FAM174A: variants seen among roughly 807,000 people sequenced by gnomAD.
FAM174A encodes the protein family with sequence similarity 174 member A, also known as membrane protein FAM174A.
FAM174A carries 14 observed loss-of-function variants against 14.3 expected under a neutral mutation model. The ratio of observed to expected loss-of-function variants is 0.98; its 90% CI spans 0.65 to 1.53. The LOEUF is 1.53. Ranked by LOEUF, FAM174A falls within the 40% of genes most tolerant of loss-of-function variation. The pLI is 0.00. For synonymous variants in FAM174A, 108 were observed against 111.4 expected, an observed-to-expected ratio of 0.97 and a Z score of 0.19; for missense variants, 241 against 249.6, an observed-to-expected ratio of 0.97 and a Z score of 0.23.
chr5:100,539,698 C>G (rs894380984), intron 1 of FAM174A, among the ~76,000 whole-genome samples: 1 of 152,300 alleles, frequency 6.6e-6, no homozygotes, highest in South Asian at 2.1e-4. Flanking sequence ...CTGCCCAAAC[C>G]CAGCTCTGCT....
intron 1 of FAM174A, among the ~76,000 whole-genome samples, chr5:100,554,501 G>A (rs1028356116): frequency 4.6e-5 from 7 of 151,628 alleles, no homozygotes; most frequent in African/African-American, 1.7e-4. Flanking sequence ...ATTTTTACTA[G>A]AGACAGGATT....
chr5:100,568,860 G>A (rs1345936535), intron 2 of FAM174A, among the ~76,000 whole-genome samples: 2 of 151,836 alleles, frequency 1.3e-5, no homozygotes, highest in Non-Finnish European at 2.9e-5. Flanking sequence ...TCTTCAGTGT[G>A]CTCATAGTAG....
At chr5:100,551,208 G>T (rs1305125427) in intron 1 of FAM174A, among the ~76,000 whole-genome samples, 1 of 152,170 alleles carries the variant, frequency 6.6e-6, no homozygotes, top group Admixed American at 6.6e-5. Flanking sequence ...GATTGTGGCA[G>T]CCATGGAGAT....
At chr5:100,582,904 C>A (rs549997373) in intron 2 of FAM174A, among the ~76,000 whole-genome samples, 1 of 152,194 alleles carries the variant, frequency 6.6e-6, no homozygotes, top group East Asian at 1.9e-4. Flanking sequence ...GGGCTAGGGG[C>A]ACCAACTACA....
At chr5:100,542,854 G>A (rs970006840) in intron 1 of FAM174A, among the ~76,000 whole-genome samples, 1 of 151,932 alleles carries the variant, frequency 6.6e-6, no homozygotes, top group Non-Finnish European at 1.5e-5. Context: ...ATATGTGTGT[G>A]TGTGTGTGTG....
chr5:100,566,882 G>A (rs1337976344), intron 2 of FAM174A, among the ~76,000 whole-genome samples: 8 of 151,872 alleles, frequency 5.3e-5, no homozygotes, highest in Admixed American at 1.3e-4. Flanking sequence ...ACAAAGTTAC[G>A]TTTTGAAGAT....
chr5:100,576,160 G>A (rs1460758261), intron 2 of FAM174A, among the ~76,000 whole-genome samples: 1 of 152,236 alleles, frequency 6.6e-6, no homozygotes, highest in East Asian at 1.9e-4. Context: ...TCATTAAGAT[G>A]TAGAGTAATT....
At chr5:100,562,905 C>T (rs548580127) in intron 2 of FAM174A, among the ~76,000 whole-genome samples, 1 of 151,710 alleles carries the variant, frequency 6.6e-6, no homozygotes, top group East Asian at 1.9e-4. Flanking sequence ...AAAGATTCAA[C>T]CTAATAAGGA....
chr5:100,573,840 A>G (rs989582117), intron 2 of FAM174A, among the ~76,000 whole-genome samples: 10 of 151,824 alleles, frequency 6.6e-5, no homozygotes, highest in Middle Eastern at 3.4e-3. Flanking sequence ...ACAAGGCTAC[A>G]GTAACCAAAA....
intron 2 of FAM174A, among the ~76,000 whole-genome samples, chr5:100,585,965 A>T (rs1747118389): frequency 6.6e-6 from 1 of 152,190 alleles, no homozygotes; most frequent in Non-Finnish European, 1.5e-5. Context: ...TAAATATAAA[A>T]TTCCTTTAAA....
chr5:100,572,984 G>T (rs1746822437), intron 2 of FAM174A, among the ~76,000 whole-genome samples: 1 of 152,120 alleles, frequency 6.6e-6, no homozygotes, highest in Non-Finnish European at 1.5e-5. Flanking sequence ...GTTTTGATTT[G>T]CATTTCTCTG....
At chr5:100,572,233 CT>C (rs566594533) in intron 2 of FAM174A, among the ~76,000 whole-genome samples, 9,564 of 127,416 alleles carry the variant, frequency 0.075, 1,005 homozygotes, top group African/African-American at 0.24. Flanking sequence ...TATGTAATAT[CT>C]TTTTTTTTTT....
intron 1 of FAM174A, among the ~76,000 whole-genome samples, chr5:100,537,841 G>C (rs188084658): frequency 6.6e-6 from 1 of 152,108 alleles, no homozygotes; most frequent in African/African-American, 2.4e-5. Context: ...AAAATGATAA[G>C]TATAATGATA....
chr5:100,574,534 C>A (rs1316443777), intron 2 of FAM174A, among the ~76,000 whole-genome samples: 1 of 152,132 alleles, frequency 6.6e-6, no homozygotes, highest in Non-Finnish European at 1.5e-5. Context: ...GTCCAGCTTT[C>A]ATTCTTGGAG....
At chr5:100,557,468 A>T (rs1746415864) in intron 1 of FAM174A, among the ~76,000 whole-genome samples, 1 of 152,026 alleles carries the variant, frequency 6.6e-6, no homozygotes, top group Admixed American at 6.5e-5. Context: ...GTTAGGGAGG[A>T]TTCCCTCTTT....
chr5:100,570,742 A>G (rs887363898), intron 2 of FAM174A, among the ~76,000 whole-genome samples: 1 of 152,038 alleles, frequency 6.6e-6, no homozygotes, highest in African/African-American at 2.4e-5. Context: ...CATATAATAT[A>G]TCAAATTATT....
intron 2 of FAM174A, among the ~76,000 whole-genome samples, chr5:100,567,557 T>G (rs936078319): frequency 1.3e-5 from 2 of 151,916 alleles, no homozygotes; most frequent in African/African-American, 4.8e-5. Flanking sequence ...AATTTTAAAC[T>G]TACAGAAAGT....
chr5:100,575,482 A>G (rs1243403305), intron 2 of FAM174A, among the ~76,000 whole-genome samples: 4 of 151,970 alleles, frequency 2.6e-5, no homozygotes, highest in Non-Finnish European at 5.9e-5. Context: ...ATTCCCACCT[A>G]TGAGTGAGAA....
intron 2 of FAM174A, among the ~76,000 whole-genome samples, chr5:100,584,016 G>T (rs1206503102): frequency 6.6e-6 from 1 of 152,146 alleles, no homozygotes; most frequent in Non-Finnish European, 1.5e-5. Flanking sequence ...GTTCTTTGTG[G>T]CCCAGGCCAT....
Sources: gnomAD v4.1 joint callset for allele counts (sites outside exome capture counted in the v4.1 genomes callset) on GRCh38, gnomAD v4.1.1 for gene constraint, MANE v1.5 for transcripts, NCBI Gene and HGNC (gene_info 2026-07-23, HGNC 2026-07-21) for gene names.